Variants in CACNB4 observed in about 807,000 individuals in gnomAD.
CACNB4 encodes the protein calcium voltage-gated channel auxiliary subunit beta 4.
In CACNB4, 32 loss-of-function variants were observed where a neutral mutation model predicts 71.2. The observed-to-expected ratio is 0.45, with a 90% CI of 0.34 to 0.60. CACNB4 has a LOEUF of 0.60. CACNB4 is among the 20% of genes least tolerant of loss of function. The probability of loss-of-function intolerance (pLI) is 0.01; values close to 1 mark genes in which losing one functional copy is unlikely to be tolerated. For missense variants in CACNB4, 464 were observed against 647.9 expected (o/e 0.72, Z 3.08); for synonymous variants, 231 against 236.9 (o/e 0.97, Z 0.23).
intron 8 of CACNB4, 166 bp from the exon 9 acceptor site, chr2:151,869,401 C>T (rs1478674995): frequency 3.6e-6 from 2 of 556,650 alleles, no homozygotes; most frequent in Non-Finnish European, 6.5e-6. Context: ...CATGCTTAAC[C>T]ATGTGCAATT....
intron 2 of CACNB4, among the ~76,000 whole-genome samples, chr2:151,941,600 A>G (rs1272031738): frequency 6.6e-6 from 1 of 151,752 alleles, no homozygotes; most frequent in African/African-American, 2.4e-5. Context: ...ATTTTTGAAA[A>G]GGGAAAAAAA....
intron 2 of CACNB4, among the ~76,000 whole-genome samples, chr2:152,052,457 C>A (rs1344938017): frequency 6.6e-6 from 1 of 152,068 alleles, no homozygotes; most frequent in Non-Finnish European, 1.5e-5. Flanking sequence ...CCATTCCTGA[C>A]TAATTTTCGT....
At position 151,835,828 on chromosome 2, in the gene CACNB4, TAATTA is replaced by T. The variant is rs1456778312; in HGVS notation, c.*3286_*3290del. The T allele has an allele frequency of 1.3e-5, 2 of 151,792 alleles. No individual in the cohort carries two copies. The highest frequency in any genetic ancestry group is 4.8e-5 in the African/African-American group (2 of 41,436). 9.4% of individuals were successfully genotyped at this position (151,792 alleles called of 1,614,324 possible). ...TACATTTTGCAAACAACGACAATAATAATTAAATAGCAGATTATTTAAAGGAAACA... is the reference window on the plus strand; with the variant it reads ...TACATTTTGCAAACAACGACAATAATAATAGCAGATTATTTAAAGGAAACA... On this transcript the variant is annotated 3_prime_UTR_variant, in exon 14 of 14. Transcript: ENST00000539935.
chr2:151,870,868 G>T lies in CACNB4; in HGVS notation c.599-7C>A. 3.1e-6 allele frequency: 5 copies of T among 1,596,454 alleles called. No homozygotes were observed. The South Asian group carries it at 5.6e-5, about 18-fold the overall frequency. On this transcript the variant is annotated splice_region_variant and splice_polypyrimidine_tract_variant and intron_variant, in intron 6 of 13. Coordinates refer to ENST00000539935, the MANE Select transcript of CACNB4 (RefSeq NM_000726.5). ...ACTTTTTGCTTCTGTTTTGCTAAAAGACAATAACGAGAGCCATATCAAAAT... is the reference window on the plus strand; with the variant it reads ...ACTTTTTGCTTCTGTTTTGCTAAAATACAATAACGAGAGCCATATCAAAAT...
In CACNB4 at chr2:151,870,876, C is replaced by T. The variant is rs41270209; in HGVS notation, c.599-15G>A. 4.9e-3 allele frequency: 7,809 copies of T among 1,588,164 alleles called. 29 individuals are homozygous for T. Among genetic ancestry groups the T allele is most frequent in the Non-Finnish European group, 5.8e-3 (6,759 of 1,162,438 alleles). On this transcript the variant is annotated splice_polypyrimidine_tract_variant and intron_variant, in intron 6 of 13. Transcript: ENST00000539935. ...CTTCTGTTTTGCTAAAAGACAATAA[C>T]GAGAGCCATATCAAAATATGTAAAC...
At position 151,837,861 on chromosome 2, in the gene CACNB4, T is replaced by A. The variant is rs1471328839; in HGVS notation, c.*1258A>T. 2 of 152,298 alleles carry A rather than the reference T, an allele frequency of 1.3e-5. No homozygotes were observed. The highest frequency in any genetic ancestry group is 3.9e-4 in the East Asian group (2 of 5,190). The allele number at this position is 152,298 out of a possible 1,614,324, so 9.4% of individuals were successfully genotyped here. On this transcript the variant is annotated 3_prime_UTR_variant, in exon 14 of 14. Coordinates refer to ENST00000539935, the MANE Select transcript of CACNB4 (RefSeq NM_000726.5). ...ATGCTATAATTTTAGTCAACAAATA[T>A]TTGCTGAATCTATGAGTTTATTTTT...
intron 2 of CACNB4, among the ~76,000 whole-genome samples, chr2:152,088,152 CACACACACACACACACAT>C (rs1252729330): frequency 4.7e-5 from 7 of 150,324 alleles, no homozygotes; most frequent in Non-Finnish European, 5.9e-5. Context: ...CACACACACA[CACACACACACACACACAT>C]ACACACACAC....
intron 2 of CACNB4, among the ~76,000 whole-genome samples, chr2:151,944,029 T>TC (rs1294309066): frequency 4.2e-5 from 3 of 70,738 alleles, no homozygotes; most frequent in African/African-American, 1.9e-4. Context: ...CTTTCTTTCT[T>TC]TTTTTTTTTT....
intron 10 of CACNB4, among the ~76,000 whole-genome samples, chr2:151,855,681 T>C (rs962196434): frequency 5.3e-5 from 8 of 152,218 alleles, no homozygotes; most frequent in African/African-American, 1.9e-4. Context: ...GTTGTTTTGT[T>C]CTAAAGAACT....
chr2:152,098,873 G>C lies in CACNB4; in HGVS notation c.63+76C>G, dbSNP rs886279429. The C allele has an allele frequency of 1.1e-4, 133 of 1,200,754 alleles. 1 individual carries two copies. In the East Asian group the frequency reaches 3.5e-3, roughly 31 times the overall value. The allele number at this position is 1,200,754 out of a possible 1,614,324, so 74.4% of individuals were successfully genotyped here. On this transcript the variant is annotated intron_variant, in intron 1 of 13. Coordinates refer to ENST00000539935, the MANE Select transcript of CACNB4 (RefSeq NM_000726.5). The surrounding 1 kb of genome is among the most constrained non-coding windows in gnomAD (Gnocchi z 5.3). ...GGCCCCGCACGCCCGGCACGAAGGCGGGGCGCGCTAGGGCGGCGGAGGAGG... is the reference window on the plus strand; with the variant it reads ...GGCCCCGCACGCCCGGCACGAAGGCCGGGCGCGCTAGGGCGGCGGAGGAGG...
intron 2 of CACNB4, among the ~76,000 whole-genome samples, chr2:152,073,205 G>T (rs553104069): frequency 1.3e-5 from 2 of 152,216 alleles, no homozygotes; most frequent in East Asian, 3.9e-4. Flanking sequence ...TAAGGTCCAG[G>T]AGAGCAGACG....
chr2:151,961,187 G>A (rs1256437513), intron 2 of CACNB4, among the ~76,000 whole-genome samples: 1 of 152,126 alleles, frequency 6.6e-6, no homozygotes, highest in Non-Finnish European at 1.5e-5. Context: ...TATATGTGGT[G>A]GGAATCACAA....
In CACNB4 at chr2:152,098,610, T is replaced by C. The variant is rs199651869; in HGVS notation, c.64-197A>G. 64 of 950,404 alleles carry C rather than the reference T, an allele frequency of 6.7e-5. No individual in the cohort carries two copies. Among genetic ancestry groups the C allele is most frequent in the South Asian group, 3.0e-4 (22 of 72,466 alleles). The allele number at this position is 950,404 out of a possible 1,614,324, so 58.9% of individuals were successfully genotyped here. A position where few individuals can be genotyped will look rare whatever the true frequency, so the allele number is the denominator to read the frequency against. ...CTGCAAGCCTCGACTGCTGAAAAGA[T>C]GCTCGAGAAGAGCAGCCCGCAAGCA... On this transcript the variant is annotated intron_variant, in intron 1 of 13. Coordinates refer to ENST00000539935, the MANE Select transcript of CACNB4 (RefSeq NM_000726.5). This position sits in a 1 kb window ranked among gnomAD's most constrained non-coding sequence, Gnocchi z 5.3.
chr2:151,887,302 G>C (rs975595678), intron 2 of CACNB4, among the ~76,000 whole-genome samples: 2 of 152,026 alleles, frequency 1.3e-5, no homozygotes, highest in African/African-American at 4.8e-5. Context: ...ACATGACAGG[G>C]ACTAGTCCCT....
intron 2 of CACNB4, among the ~76,000 whole-genome samples, chr2:152,033,977 G>A (rs1684423697): frequency 6.6e-6 from 1 of 152,100 alleles, no homozygotes; most frequent in Admixed American, 6.6e-5. Flanking sequence ...TGGTGTGTCT[G>A]GGTCACATAC....
At chr2:151,901,320 A>G (rs536984272) in intron 2 of CACNB4, among the ~76,000 whole-genome samples, 1 of 152,234 alleles carries the variant, frequency 6.6e-6, no homozygotes, top group South Asian at 2.1e-4. Flanking sequence ...TAAATTTATC[A>G]ACAAACCATC....
intron 2 of CACNB4, among the ~76,000 whole-genome samples, chr2:152,089,796 G>T (rs1043452115): frequency 4.6e-5 from 7 of 151,744 alleles, no homozygotes; most frequent in African/African-American, 1.7e-4. Flanking sequence ...AAAAAAAAAA[G>T]CCAGGCTTGG....
chr2:151,851,129 A>G (rs1211792558), intron 12 of CACNB4: 1 of 152,240 alleles, frequency 6.6e-6, no homozygotes, highest in African/African-American at 2.4e-5. Flanking sequence ...TTAAAATGAC[A>G]CAGTGATCAC....
chr2:151,888,533 T>C (rs764460937), intron 2 of CACNB4, among the ~76,000 whole-genome samples: 6 of 152,174 alleles, frequency 3.9e-5, no homozygotes, highest in Non-Finnish European at 8.8e-5. Flanking sequence ...GCCACAGCAC[T>C]CTGCCTGAAA....
Sources: allele counts gnomAD v4.1 joint callset (sites outside exome capture counted in the v4.1 genomes callset), GRCh38; gene constraint gnomAD v4.1.1; non-coding constraint Gnocchi (gnomAD v3.1); transcripts MANE v1.5; gene names NCBI Gene and HGNC (gene_info 2026-07-23, HGNC 2026-07-21).